ASIC3: variants seen among roughly 807,000 people sequenced by gnomAD.
ASIC3 encodes the protein acid-sensing ion channel 3.
In ASIC3, 46 loss-of-function variants were observed where a neutral mutation model predicts 58.6. That is an observed-to-expected ratio of 0.79 (90% CI 0.62 to 1.00). ASIC3 has a LOEUF of 1.00. Ranked by LOEUF, ASIC3 falls within the 50% of genes least tolerant of loss-of-function variation. ASIC3 has a pLI of 0.00. For missense variants in ASIC3, 770 were observed against 735.0 expected (o/e 1.05, Z -0.55); for synonymous variants, 336 against 300.2 (o/e 1.12, Z -1.23).
At position 151,051,186 on chromosome 7, in the gene ASIC3, A is replaced by G. The variant is rs778069551; in HGVS notation, c.1081A>G (p.Lys361Glu). 5 of 1,592,868 alleles carry G rather than the reference A, an allele frequency of 3.1e-6. No individual in the cohort carries two copies. Among genetic ancestry groups the G allele is most frequent in the Middle Eastern group, 1.7e-4 (1 of 5,830 alleles). Residue 361 changes from lysine (K) to glutamate (E), a missense_variant, in exon 6 of 11, where the codon AAG (lysine) becomes GAG (glutamate). By Grantham distance (56) the Lys-to-Glu change is moderately conservative. Coordinates refer to ENST00000349064, the MANE Select transcript of ASIC3 (RefSeq NM_004769.4). ...GTGGCCCGCAGATGCCATGCTTCGC[A>G]AGGACTCGTGCGCCTGCCCCAACCC... Reference protein sequence around the residue: ...AHPAIDAMLRKDSCACPNPCA... With the variant: ...AHPAIDAMLREDSCACPNPCA...
rs528719557 is a variant in ASIC3, at chr7:151,048,602, A to G, written c.-284A>G. ...CAGCCCCTGCCTGCCACGGTCAGCTACGTCCCACCTGGTCTGCTGCGGAGT... is the reference window on the plus strand; with the variant it reads ...CAGCCCCTGCCTGCCACGGTCAGCTGCGTCCCACCTGGTCTGCTGCGGAGT... On this transcript the variant is annotated 5_prime_UTR_variant, in exon 1 of 11. Transcript: ENST00000349064. 6.8e-5 allele frequency: 29 copies of G among 423,958 alleles called. No individual in the cohort carries two copies. The highest frequency in any genetic ancestry group is 5.6e-4 in the East Asian group (16 of 28,638). The allele number at this position is 423,958 out of a possible 1,614,324, so 26.3% of individuals were successfully genotyped here.
Position 151,052,046 on chromosome 7 carries a change from T to C in ASIC3, c.1370T>C (p.Leu457Pro), listed in dbSNP as rs745903993. The change falls in exon 8 of 11, where the codon CTA (leucine) becomes CCA (proline). Residue 457 changes from leucine to proline, a missense_variant. Coordinates refer to ENST00000349064, the MANE Select transcript of ASIC3 (RefSeq NM_004769.4). This position sits in a 1 kb window ranked among gnomAD's most constrained non-coding sequence, Gnocchi z 5.0. ...GASLLTILEI[L>P]DYLCEVFRDK... ...AGCCTGCTCACCATCCTCGAGATCC[T>C]AGACTACCTCTGTGAGGTGGGCCAG... is the stretch of plus-strand genomic sequence containing the variant. The C allele has an allele frequency of 6.2e-7, 1 of 1,613,352 alleles. No individual in the cohort carries two copies.
Position 151,050,204 on chromosome 7 carries a change from C to G in ASIC3, c.633C>G (p.Asp211Glu). The G allele has an allele frequency of 6.2e-7, 1 of 1,614,040 alleles. No homozygotes were observed. The highest frequency in any genetic ancestry group is 2.2e-5 in the East Asian group (1 of 44,876). The change falls in exon 2 of 11, where the codon GAC (aspartate) becomes GAG (glutamate). Residue 211 changes from aspartate (D) to glutamate (E), a missense_variant. By Grantham distance (45) the Asp-to-Glu change is conservative. Transcript: ENST00000349064. ...TTRGGMGNGL[D>E]IMLDVQQEEY... Reference sequence around the variant, plus strand: ...GGGGTGGCATGGGCAATGGGCTGGACATCATGCTGGACGTGCAGCAGGAGG... The same window carrying G: ...GGGGTGGCATGGGCAATGGGCTGGAGATCATGCTGGACGTGCAGCAGGAGG...
In ASIC3 at chr7:151,050,922, G is replaced by A; in HGVS notation, c.978G>A (p.Arg326=). ...CCTGCGAAACCCGCTACGTGGCTCGGAAGTGCGGCTGCCGAATGGTGTACA... is the reference window on the plus strand; with the variant it reads ...CCTGCGAAACCCGCTACGTGGCTCGAAAGTGCGGCTGCCGAATGGTGTACA... ...RLACETRYVA[R]KCGCRMVYMP... is the part of the protein sequence containing the mutation. The change falls in exon 4 of 11, where the codon CGG becomes CGA. Residue 326 remains arginine, a synonymous_variant. Transcript: ENST00000349064. 1 of 1,613,524 alleles carries A rather than the reference G, an allele frequency of 6.2e-7. No individual in the cohort carries two copies. Among genetic ancestry groups the A allele is most frequent in the South Asian group, 1.1e-5 (1 of 91,090 alleles).
Position 151,048,593 on chromosome 7 carries a change from C to G in ASIC3, c.-293C>G. 1 of 414,124 alleles carries G rather than the reference C, an allele frequency of 2.4e-6. No homozygotes were observed. The highest frequency in any genetic ancestry group is 7.8e-5 in the South Asian group (1 of 12,880). 25.7% of individuals were successfully genotyped at this position (414,124 alleles called of 1,614,324 possible). The stretch of plus-strand genomic sequence containing the variant: ...ACCGCTCCGCAGCCCCTGCCTGCCA[C>G]GGTCAGCTACGTCCCACCTGGTCTG... On this transcript the variant is annotated 5_prime_UTR_variant, in exon 1 of 11. Coordinates refer to ENST00000349064, the MANE Select transcript of ASIC3 (RefSeq NM_004769.4).
At position 151,048,560 on chromosome 7, in the gene ASIC3, G is replaced by A. The variant is rs754284739; in HGVS notation, c.-326G>A. 4.8e-5 allele frequency: 16 copies of A among 334,872 alleles called. No homozygotes were observed. The highest frequency in any genetic ancestry group is 1.4e-4 in the Admixed American group (3 of 22,168). 20.7% of individuals were successfully genotyped at this position (334,872 alleles called of 1,614,324 possible). A position where few individuals can be genotyped will look rare whatever the true frequency, so the allele number is the denominator to read the frequency against. ...GCAGCAGCGCCGGCTCAGCACCGCC[G>A]GCTCAGCACCGCTCCGCAGCCCCTG... On this transcript the variant is annotated 5_prime_UTR_variant, in exon 1 of 11. Transcript: ENST00000349064.
chr7:151,049,979 T>C, intron 1 of ASIC3, 127 bp from the exon 2 acceptor site: 2 of 1,263,710 alleles, frequency 1.6e-6, no homozygotes, highest in Non-Finnish European at 2.2e-6. Flanking sequence ...AGCGTGGGGC[T>C]GGGGGCATTG....
At position 151,050,471 on chromosome 7, in the gene ASIC3, TC is replaced by T. The variant is rs781668643; in HGVS notation, c.686-6del. Reference sequence around the variant, plus strand: ...ACACAGGTCAGGCCTCACAGGTCCCTCCCCGACAGAGGAGACCCCGTTTGAG... The same window carrying T: ...ACACAGGTCAGGCCTCACAGGTCCCTCCCGACAGAGGAGACCCCGTTTGAG... On this transcript the variant is annotated splice_polypyrimidine_tract_variant and intron_variant, in intron 2 of 10. Coordinates refer to ENST00000349064, the MANE Select transcript of ASIC3 (RefSeq NM_004769.4). 1.9e-6 allele frequency: 3 copies of T among 1,613,050 alleles called. No individual in the cohort carries two copies. The South Asian group carries it at 3.3e-5, about 18-fold the overall frequency.
chr7:151,052,550 C>G lies in ASIC3; in HGVS notation c.1518-24C>G, dbSNP rs1466658976. 1 of 1,613,762 alleles carries G rather than the reference C, an allele frequency of 6.2e-7. No individual in the cohort carries two copies. Among genetic ancestry groups the G allele is most frequent in the Non-Finnish European group, 8.5e-7 (1 of 1,179,824 alleles). ...GACAGTGGGTGTGCCCGTTCCCACC[C>G]CAGCACTCTGCTCTGTTCCGAAGAC... is the stretch of plus-strand genomic sequence containing the variant. On this transcript the variant is annotated intron_variant, in intron 10 of 10. Coordinates refer to ENST00000349064, the MANE Select transcript of ASIC3 (RefSeq NM_004769.4). The surrounding 1 kb of genome is among the most constrained non-coding windows in gnomAD (Gnocchi z 5.0).
chr7:151,050,686 C>G, intron 3 of ASIC3, 72 bp from the exon 4 acceptor site: 2 of 1,607,170 alleles, frequency 1.2e-6, no homozygotes, highest in Non-Finnish European at 8.5e-7. Context: ...CTCCTCAGAC[C>G]TGTCTAGGGG....
intron 6 of ASIC3, among the ~76,000 whole-genome samples, chr7:151,051,543 T>TA (rs1201606666): frequency 1.4e-5 from 2 of 138,980 alleles, no homozygotes; most frequent in Non-Finnish European, 3.1e-5. Context: ...TTTTATTTTT[T>TA]AATCTTTACT....
rs201718749 is a variant in ASIC3, at chr7:151,052,566, T to C, written c.1518-8T>C. On this transcript the variant is annotated splice_polypyrimidine_tract_variant and splice_region_variant and intron_variant, in intron 10 of 10. Coordinates refer to ENST00000349064, the MANE Select transcript of ASIC3 (RefSeq NM_004769.4). This position sits in a 1 kb window ranked among gnomAD's most constrained non-coding sequence, Gnocchi z 5.0. ...GTTCCCACCCCAGCACTCTGCTCTG[T>C]TCCGAAGACCTCCCACCCCTCCCTG... 6.2e-7 allele frequency: 1 copy of C among 1,613,776 alleles called. No individual in the cohort carries two copies. Among genetic ancestry groups the C allele is most frequent in the Non-Finnish European group, 8.5e-7 (1 of 1,179,864 alleles).
chr7:151,050,503 G>T lies in ASIC3; in HGVS notation c.708G>T (p.Gly236=), dbSNP rs575137638. Residue 236 remains glycine, a synonymous_variant, in exon 3 of 11, where the codon GGG becomes GGT. Coordinates refer to ENST00000349064, the MANE Select transcript of ASIC3 (RefSeq NM_004769.4). ...RDNEETPFEV[G]IRVQIHSQEE... ...CAGAGGAGACCCCGTTTGAGGTGGG[G>T]ATCCGAGTGCAGATCCACAGCCAGG... 147 of 1,613,960 alleles carry T rather than the reference G, an allele frequency of 9.1e-5. 2 individuals carry two copies. The East Asian group carries it at 3.1e-3, about 34-fold the overall frequency.
In ASIC3 at chr7:151,049,401, G is replaced by T; in HGVS notation, c.516G>T (p.Gly172=). 10 of 1,593,814 alleles carry T rather than the reference G, an allele frequency of 6.3e-6. No individual in the cohort carries two copies. The highest frequency in any genetic ancestry group is 8.6e-6 in the Non-Finnish European group (10 of 1,169,218). ...LDCRFRGQPC[G]PENFTTIFTR... Reference sequence around the variant, plus strand: ...GTCGCTTCCGTGGCCAACCTTGTGGGCCTGAGAACTTCACCACGGTGAGCT... The same window carrying T: ...GTCGCTTCCGTGGCCAACCTTGTGGTCCTGAGAACTTCACCACGGTGAGCT... Residue 172 remains glycine (G), a synonymous_variant, in exon 1 of 11, where the codon GGG becomes GGT. Transcript: ENST00000349064.
At chr7:151,049,995 C>G (rs767163452) in intron 1 of ASIC3, 111 bp from the exon 2 acceptor site, 1 of 1,413,096 alleles carries the variant, frequency 7.1e-7, no homozygotes. Context: ...CATTGAGATG[C>G]GGGCTTCAGT....
chr7:151,049,612 C>G (rs1796718890), intron 1 of ASIC3, among the ~76,000 whole-genome samples, 193 bp downstream of exon 1: 1 of 152,240 alleles, frequency 6.6e-6, no homozygotes, highest in Non-Finnish European at 1.5e-5. Flanking sequence ...GGGGCTTTCT[C>G]TGTCTCCCAG....
At chr7:151,051,403 T>C in intron 6 of ASIC3, 84 bp downstream of exon 6, 2 of 1,389,038 alleles carry the variant, frequency 1.4e-6, no homozygotes, top group Non-Finnish European at 1.9e-6. Flanking sequence ...GTAGCCCTAG[T>C]GCGCACAGCC....
chr7:151,052,481 C>T lies in ASIC3; in HGVS notation c.1517+7C>T, dbSNP rs1461044350. 1 of 1,614,102 alleles carries T rather than the reference C, an allele frequency of 6.2e-7. No individual in the cohort carries two copies. ...ACCTCAGCCTGGGCCCCAGGTAACA[C>T]ATAATGGCCCCCTAAAATCAAGGGA... On this transcript the variant is annotated splice_region_variant and intron_variant, in intron 10 of 10. Coordinates refer to ENST00000349064, the MANE Select transcript of ASIC3 (RefSeq NM_004769.4). This position sits in a 1 kb window ranked among gnomAD's most constrained non-coding sequence, Gnocchi z 5.0.
intron 2 of ASIC3, 70 bp from the exon 3 acceptor site, chr7:151,050,411 G>T: frequency 6.3e-7 from 1 of 1,589,426 alleles, no homozygotes; most frequent in Non-Finnish European, 8.6e-7. Context: ...GGGCTGCAGT[G>T]AGAGGTCTTG....
Sources: allele counts gnomAD v4.1 joint callset (sites outside exome capture counted in the v4.1 genomes callset), GRCh38; gene constraint gnomAD v4.1.1; non-coding constraint Gnocchi (gnomAD v3.1); transcripts MANE v1.5; gene names NCBI Gene and HGNC (gene_info 2026-07-23, HGNC 2026-07-21).